The following PCCA variants were observed in gnomAD, a reference collection of about 807,000 sequenced individuals.
PCCA encodes the protein propionyl-CoA carboxylase alpha chain, mitochondrial.
A neutral mutation model predicts 101.3 loss-of-function variants in PCCA; 74 were observed. That is an observed-to-expected ratio of 0.73 (90% confidence interval 0.61 to 0.89). The LOEUF is 0.89. Ranked by LOEUF, PCCA falls within the 40% of genes least tolerant of loss-of-function variation. The pLI is 0.00. For missense variants in PCCA, 891 were observed against 907.0 expected (o/e 0.98, Z 0.23); for synonymous variants, 294 against 313.6 (o/e 0.94, Z 0.66).
intron 8 of PCCA, among the ~76,000 whole-genome samples, chr13:100,242,512 GAGGACTTGAAC>G (rs1188449953): frequency 3.3e-5 from 5 of 152,136 alleles, no homozygotes; most frequent in Non-Finnish European, 5.9e-5. Context: ...GGAGGGAATA[GAGGACTTGAAC>G]AGCACTATAT....
intron 1 of PCCA, among the ~76,000 whole-genome samples, chr13:100,098,497 C>G (rs573701649): frequency 1.3e-5 from 2 of 152,230 alleles, no homozygotes; most frequent in East Asian, 3.9e-4. Context: ...GTTAGTCAGC[C>G]CTTGGCCAGG....
chr13:100,443,698 G>T (rs1478201369), intron 20 of PCCA, among the ~76,000 whole-genome samples: 1 of 151,484 alleles, frequency 6.6e-6, no homozygotes, highest in Non-Finnish European at 1.5e-5. Flanking sequence ...AGTTTTTTGT[G>T]CAGAGTTGCA....
At chr13:100,377,896 T>C (rs1595668579) in intron 19 of PCCA, among the ~76,000 whole-genome samples, 1 of 152,198 alleles carries the variant, frequency 6.6e-6, no homozygotes. Flanking sequence ...TGCTTTCTGT[T>C]TGTTTTATAT....
intron 10 of PCCA, among the ~76,000 whole-genome samples, chr13:100,263,679 C>T (rs2062681198): frequency 1.3e-5 from 2 of 152,082 alleles, no homozygotes; most frequent in Non-Finnish European, 2.9e-5. Flanking sequence ...TGTTTTACAA[C>T]ATTGAACACA....
rs949573803 is a variant in PCCA at position 100,315,524 on chromosome 13, T to A, written c.1429+5616T>A. 1.4e-4 allele frequency among the ~76,000 whole-genome samples: 22 copies of A among 152,308 alleles called. 1 individual carries two copies. The highest frequency in any genetic ancestry group is 1.4e-3 in the Admixed American group (22 of 15,296). On this transcript the variant is annotated intron_variant, in intron 16 of 23. Coordinates refer to ENST00000376285, the MANE Select transcript of PCCA (RefSeq NM_000282.4). ...TGCTTAATTATTCAAATATGAATAT[T>A]TTTTTCCTGTGCTGATTGTGAACTT...
At position 100,451,173 on chromosome 13, in the gene PCCA, G is replaced by A. The variant is rs139200344; in HGVS notation, c.1899+1868G>A. On this transcript the variant is annotated intron_variant, in intron 21 of 23. Coordinates refer to ENST00000376285, the MANE Select transcript of PCCA (RefSeq NM_000282.4). ...TTGGATGAGGCCCACCCACTGTGGA[G>A]GGTGATCTGCTAAACTCTAAGTCTA... is the stretch of plus-strand genomic sequence containing the variant. Among the ~76,000 whole-genome samples the A allele has an allele frequency of 1.8e-4, 28 of 152,188 alleles. 1 individual carries two copies. In the East Asian group the frequency reaches 5.4e-3, roughly 29 times the overall value.
chr13:100,228,084 C>T lies in PCCA; in HGVS notation c.601-7758C>T, dbSNP rs142097556. On this transcript the variant is annotated intron_variant, in intron 7 of 23. Coordinates refer to ENST00000376285, the MANE Select transcript of PCCA (RefSeq NM_000282.4). ...AGGCTGGAGTGCAGTGGTGCCATCT[C>T]GGCTCACTGCAACTTCTGCCTCCCG... 2.7e-3 allele frequency among the ~76,000 whole-genome samples: 405 copies of T among 152,154 alleles called. 2 individuals are homozygous for T. Among genetic ancestry groups the T allele is most frequent in the African/African-American group, 9.2e-3 (382 of 41,512 alleles).
chr13:100,509,131 G>A (rs2086288207), intron 21 of PCCA, among the ~76,000 whole-genome samples: 1 of 150,340 alleles, frequency 6.7e-6, no homozygotes, highest in African/African-American at 2.4e-5. Flanking sequence ...AAGTTAGTGT[G>A]GTGTTCATAT....
intron 19 of PCCA, among the ~76,000 whole-genome samples, chr13:100,369,473 A>T (rs2075426856): frequency 6.6e-6 from 1 of 152,216 alleles, no homozygotes; most frequent in African/African-American, 2.4e-5. Context: ...TTGAAGATTC[A>T]TGAGAATTCA....
chr13:100,400,627 G>GTTTTT (rs763331038), intron 19 of PCCA, among the ~76,000 whole-genome samples: 9,617 of 76,280 alleles, frequency 0.13, 1,026 homozygotes, highest in South Asian at 0.18. Context: ...GTTCTTTTTA[G>GTTTTT]TTCTTTTTTT....
At chr13:100,353,518 C>G (rs1247026721) in intron 18 of PCCA, among the ~76,000 whole-genome samples, 1 of 152,054 alleles carries the variant, frequency 6.6e-6, no homozygotes, top group African/African-American at 2.4e-5. Context: ...AATGTACTAC[C>G]AAATAACCAA....
chr13:100,356,482 C>T (rs562787534), intron 18 of PCCA, among the ~76,000 whole-genome samples: 1 of 152,048 alleles, frequency 6.6e-6, no homozygotes, highest in East Asian at 1.9e-4. Context: ...ATAGAAATGG[C>T]CAATAAGCCC....
intron 4 of PCCA, among the ~76,000 whole-genome samples, chr13:100,136,288 T>C (rs1353250262): frequency 6.7e-6 from 1 of 149,668 alleles, no homozygotes; most frequent in East Asian, 2.0e-4. Context: ...CGGGTTCAAG[T>C]GATTCTCCTG....
intron 19 of PCCA, among the ~76,000 whole-genome samples, chr13:100,410,502 A>G (rs1337915703): frequency 6.6e-6 from 1 of 152,176 alleles, no homozygotes; most frequent in Non-Finnish European, 1.5e-5. Context: ...TGGCCTCCCA[A>G]AGTGCTGGGA....
chr13:100,412,396 C>T (rs895532331), intron 19 of PCCA, among the ~76,000 whole-genome samples: 3 of 152,082 alleles, frequency 2.0e-5, no homozygotes, highest in African/African-American at 4.8e-5. Flanking sequence ...AAGGGAACTC[C>T]GTGTACTATT....
chr13:100,444,256 C>T (rs2080600753), intron 20 of PCCA, among the ~76,000 whole-genome samples: 1 of 149,152 alleles, frequency 6.7e-6, no homozygotes, highest in Non-Finnish European at 1.5e-5. Context: ...GGCTGAAGTG[C>T]AGTGGTGGTG....
intron 22 of PCCA, among the ~76,000 whole-genome samples, chr13:100,520,477 T>C (rs951654060): frequency 6.6e-6 from 1 of 151,280 alleles, no homozygotes; most frequent in Admixed American, 6.6e-5. Context: ...CTACTAAAAA[T>C]ACAAAAAATT....
chr13:100,133,933 A>C (rs1460433973), intron 4 of PCCA, among the ~76,000 whole-genome samples: 1 of 152,194 alleles, frequency 6.6e-6, no homozygotes, highest in Non-Finnish European at 1.5e-5. Context: ...CAAGTTCTTC[A>C]GCCTTTGGAC....
chr13:100,155,129 A>G (rs191092278), intron 5 of PCCA, 37 bp downstream of exon 5: 3 of 1,269,592 alleles, frequency 2.4e-6, no homozygotes, highest in African/African-American at 2.9e-5. Context: ...CAGCTGTTTC[A>G]TATGTAGTGA....
Sources: allele counts gnomAD v4.1 joint callset (sites outside exome capture counted in the v4.1 genomes callset), GRCh38; gene constraint gnomAD v4.1.1; transcripts MANE v1.5; gene names NCBI Gene and HGNC (gene_info 2026-07-23, HGNC 2026-07-21).